The following LOC131768270 variants were observed in gnomAD, a reference collection of about 807,000 sequenced individuals.
At chr5:140,565,964 T>C in the LOC131768270 span, 271 of 398,678 alleles carry the variant, frequency 6.8e-4, 2 homozygotes, top group Admixed American at 3.7e-3. Flanking sequence ...AACAGTGGAG[T>C]GGGCCAGGTA....
At chr5:140,565,155 C>T in the LOC131768270 span, 2 of 363,466 alleles carry the variant, frequency 5.5e-6, no homozygotes, top group Non-Finnish European at 9.8e-6. Flanking sequence ...CATTCCCTAG[C>T]TCCCGAAATT....
At chr5:140,567,410 C>G in the LOC131768270 span, 7 of 1,614,132 alleles carry the variant, frequency 4.3e-6, no homozygotes, top group Non-Finnish European at 5.9e-6. Context: ...CCAGGGGCCC[C>G]CACCCTGGCG....
chr5:140,567,614 C>A, the LOC131768270 span: 4 of 1,614,220 alleles, frequency 2.5e-6, no homozygotes, highest in East Asian at 6.7e-5. Context: ...GCTGCTGCTG[C>A]TGATGGCTGC....
the LOC131768270 span, chr5:140,567,015 C>T: frequency 5.9e-6 from 7 of 1,193,752 alleles, no homozygotes; most frequent in Non-Finnish European, 8.5e-6. Context: ...TCTTCAAGCC[C>T]TGACTGTGGA....
the LOC131768270 span, chr5:140,567,023 G>A: frequency 5.9e-4 from 739 of 1,254,496 alleles, 2 homozygotes; most frequent in Admixed American, 8.0e-4. Context: ...CCCTGACTGT[G>A]GAGTTGGTAG....
At chr5:140,567,866 C>T in the LOC131768270 span, 2 of 1,614,210 alleles carry the variant, frequency 1.2e-6, no homozygotes, top group Admixed American at 3.3e-5. Flanking sequence ...GCTTCTGAAT[C>T]TAGGTCTGCA....
At chr5:140,567,757 C>T in the LOC131768270 span, 1 of 1,614,130 alleles carries the variant, frequency 6.2e-7, no homozygotes, top group Non-Finnish European at 8.5e-7. Flanking sequence ...TTCTGTACTG[C>T]CTCATCTCAG....
the LOC131768270 span, chr5:140,567,763 C>T: frequency 2.5e-6 from 4 of 1,614,164 alleles, no homozygotes; most frequent in Non-Finnish European, 2.5e-6. Context: ...ACTGCCTCAT[C>T]TCAGGCTTGT....
the LOC131768270 span, chr5:140,568,255 T>C: frequency 1.3e-6 from 2 of 1,552,392 alleles, no homozygotes; most frequent in Admixed American, 1.8e-5. Context: ...ACAAGTGCCT[T>C]GTGAGAAAAG....
chr5:140,565,933 C>T, the LOC131768270 span: 1 of 398,926 alleles, frequency 2.5e-6, no homozygotes, highest in Non-Finnish European at 4.4e-6. Context: ...AAGCCTGCAG[C>T]GGCGTGTAGA....
the LOC131768270 span, chr5:140,566,471 A>G: frequency 2.5e-6 from 1 of 399,968 alleles, no homozygotes. Context: ...GGTGAGGAGG[A>G]GCTGGTGGTG....
chr5:140,567,065 A>G, the LOC131768270 span: 5 of 1,559,616 alleles, frequency 3.2e-6, no homozygotes, highest in Non-Finnish European at 8.8e-7. Context: ...CTCTCTGGCA[A>G]TGTTCCACGG....
chr5:140,567,353 C>G, the LOC131768270 span: 7 of 1,614,080 alleles, frequency 4.3e-6, no homozygotes, highest in Non-Finnish European at 5.9e-6. Context: ...GCTGACCAAG[C>G]TACTGTTATG....
At chr5:140,566,756 C>G in the LOC131768270 span, 1 of 595,672 alleles carries the variant, frequency 1.7e-6, no homozygotes, top group South Asian at 2.0e-5. Flanking sequence ...GCAAGGGGCC[C>G]GACTAGCTCT....
the LOC131768270 span, chr5:140,567,443 T>C: frequency 6.2e-7 from 1 of 1,614,150 alleles, no homozygotes; most frequent in Non-Finnish European, 8.5e-7. Flanking sequence ...CTTCGCACTA[T>C]CAGCCCTGCT....
chr5:140,567,647 G>A, the LOC131768270 span: 6 of 1,614,102 alleles, frequency 3.7e-6, no homozygotes, highest in Non-Finnish European at 5.1e-6. Context: ...TGCAGCAGGG[G>A]GCCTTCAAGT....
the LOC131768270 span, chr5:140,568,343 G>C: frequency 1.2e-6 from 1 of 828,192 alleles, no homozygotes; most frequent in Non-Finnish European, 1.9e-6. Flanking sequence ...GTGAAGTGTG[G>C]GTTTGGTTAA....
At chr5:140,567,597 G>A in the LOC131768270 span, 3 of 1,614,120 alleles carry the variant, frequency 1.9e-6, no homozygotes, top group Non-Finnish European at 2.5e-6. Flanking sequence ...GTGCGTCAGG[G>A]GTTAGCGCTG....
the LOC131768270 span, chr5:140,568,366 C>CA: frequency 4.5e-6 from 3 of 662,640 alleles, no homozygotes; most frequent in Non-Finnish European, 7.8e-6. Flanking sequence ...AAATGCTTAC[C>CA]ATCCCCCACC....
Sources: gnomAD v4.1 joint callset for allele counts on GRCh38, gnomAD v4.1.1 for gene constraint, MANE v1.5 for transcripts.